Variants in CNTN5 observed in about 807,000 individuals in gnomAD.
The protein encoded by CNTN5 is contactin 5, also known as contactin-5.
Under a neutral mutation model 129.1 loss-of-function variants are expected in CNTN5, and 77 were observed. The ratio of observed to expected loss-of-function variants is 0.60; its 90% confidence interval spans 0.50 to 0.72. The LOEUF (loss-of-function observed/expected upper bound fraction) is 0.72, where lower values mean the gene tolerates loss of function less well. Among genes scored for constraint, CNTN5 ranks in the 30% least tolerant of loss-of-function variants. The pLI is 0.00. For synonymous variants in CNTN5, 509 were observed against 465.6 expected, an observed-to-expected ratio of 1.09 and a Z score of -1.20; for missense variants, 1,478 against 1,328.8, an observed-to-expected ratio of 1.11 and a Z score of -1.75.
In CNTN5 at chr11:99,938,511, A is replaced by G. The variant is rs574049390; in HGVS notation, c.674-18295A>G. Among the ~76,000 whole-genome samples the G allele has an allele frequency of 8.5e-5, 13 of 152,258 alleles. No homozygotes were observed. In the South Asian group the frequency reaches 2.7e-3, roughly 32 times the overall value. ...GGAATCATGGCACATAATGGGAAGT[A>G]CAAGAAGCCGGTAATAGTTCTGAAT... On this transcript the variant is annotated intron_variant, in intron 7 of 24. Coordinates refer to ENST00000524871, the MANE Select transcript of CNTN5 (RefSeq NM_014361.4).
chr11:99,471,077 A>G (rs1459472279), intron 2 of CNTN5, among the ~76,000 whole-genome samples: 2 of 152,088 alleles, frequency 1.3e-5, no homozygotes, highest in Non-Finnish European at 2.9e-5. Flanking sequence ...GAGAGCACCT[A>G]GTCCCATTTC....
At chr11:99,251,351 G>T (rs948181447) in intron 1 of CNTN5, among the ~76,000 whole-genome samples, 2 of 151,928 alleles carry the variant, frequency 1.3e-5, no homozygotes, top group African/African-American at 4.8e-5. Flanking sequence ...GTATACATGT[G>T]TGTGGAAAGT....
chr11:99,100,853 C>T (rs1232029231), intron 1 of CNTN5, among the ~76,000 whole-genome samples: 2 of 152,030 alleles, frequency 1.3e-5, no homozygotes, highest in African/African-American at 2.4e-5. Flanking sequence ...GATATAGAAA[C>T]ATAGAACTAT....
chr11:100,110,101 G>A (rs894833813), intron 13 of CNTN5, among the ~76,000 whole-genome samples: 1 of 151,622 alleles, frequency 6.6e-6, no homozygotes, highest in Non-Finnish European at 1.5e-5. Flanking sequence ...GTGGGAGGAT[G>A]GCTTGAGCCC....
chr11:100,323,920 C>G (rs1951743586), intron 21 of CNTN5, among the ~76,000 whole-genome samples: 1 of 152,064 alleles, frequency 6.6e-6, no homozygotes, highest in Admixed American at 6.6e-5. Context: ...TTCCCAGCAT[C>G]TCATACAGAC....
At chr11:99,814,585 C>A (rs1946524324) in intron 3 of CNTN5, among the ~76,000 whole-genome samples, 1 of 151,450 alleles carries the variant, frequency 6.6e-6, no homozygotes, top group African/African-American at 2.4e-5. Context: ...GGGAAAAAAA[C>A]AGTCCAGGGT....
chr11:99,917,390 A>G (rs1304692037), intron 7 of CNTN5, among the ~76,000 whole-genome samples: 13 of 152,100 alleles, frequency 8.5e-5, no homozygotes. Flanking sequence ...AATTTTTTTA[A>G]TGGATAAGAC....
At chr11:99,368,295 A>C (rs1939586992) in intron 2 of CNTN5, among the ~76,000 whole-genome samples, 1 of 152,080 alleles carries the variant, frequency 6.6e-6, no homozygotes, top group Non-Finnish European at 1.5e-5. Context: ...TCTCAGACAG[A>C]AGATAAAATA....
At chr11:99,478,206 A>G (rs1945456207) in intron 2 of CNTN5, among the ~76,000 whole-genome samples, 1 of 152,076 alleles carries the variant, frequency 6.6e-6, no homozygotes, top group Non-Finnish European at 1.5e-5. Context: ...CAAGACTGCA[A>G]TGAAGGTGTC....
intron 8 of CNTN5, among the ~76,000 whole-genome samples, chr11:99,984,302 A>G (rs1017850340): frequency 6.6e-6 from 1 of 151,856 alleles, no homozygotes; most frequent in African/African-American, 2.4e-5. Context: ...AAAGAATGGG[A>G]AAGAGAGAAA....
rs986793672 is a variant in CNTN5 at position 100,107,551 on chromosome 11, T to C, written c.1580+33257T>C. Among the ~76,000 whole-genome samples, 19 of 147,622 alleles carry C rather than the reference T, an allele frequency of 1.3e-4. 1 individual carries two copies. Among genetic ancestry groups the C allele is most frequent in the Non-Finnish European group, 2.8e-4 (19 of 67,388 alleles). On this transcript the variant is annotated intron_variant, in intron 13 of 24. Transcript: ENST00000524871. ...GGTTCCAAAATACAGCAGAATCAGA[T>C]AAATGTTTGGGAACCATACTGAAAA... is the stretch of plus-strand genomic sequence containing the variant.
At chr11:99,465,101 GT>G (rs1944880041) in intron 2 of CNTN5, among the ~76,000 whole-genome samples, 1 of 152,188 alleles carries the variant, frequency 6.6e-6, no homozygotes, top group South Asian at 2.1e-4. Flanking sequence ...AGTTAATAGT[GT>G]ATGTTAGGAA....
chr11:99,107,658 G>A lies in CNTN5; in HGVS notation c.-210+86388G>A, dbSNP rs182790572. On this transcript the variant is annotated intron_variant, in intron 1 of 24. Coordinates refer to ENST00000524871, the MANE Select transcript of CNTN5 (RefSeq NM_014361.4). ...GATCTTAAACTAGTGTCGGCTGGGC[G>A]CAGTGGCTCACACCTGTAATCTCAG... 2.3e-3 allele frequency among the ~76,000 whole-genome samples: 351 copies of A among 152,056 alleles called. 1 individual carries two copies. The highest frequency in any genetic ancestry group is 8.1e-3 in the African/African-American group (334 of 41,482).
At chr11:100,307,676 C>T (rs1231523931) in intron 20 of CNTN5, among the ~76,000 whole-genome samples, 1 of 151,436 alleles carries the variant, frequency 6.6e-6, no homozygotes, top group Non-Finnish European at 1.5e-5. Context: ...TAACATATTC[C>T]TTATATAATC....
At chr11:100,160,734 A>G (rs189830073) in intron 13 of CNTN5, among the ~76,000 whole-genome samples, 132 of 152,050 alleles carry the variant, frequency 8.7e-4, no homozygotes, top group Non-Finnish European at 1.4e-3. Flanking sequence ...AATAATGACA[A>G]CTAACATGCA....
chr11:100,039,316 T>C (rs1206777233), intron 9 of CNTN5, among the ~76,000 whole-genome samples: 1 of 152,354 alleles, frequency 6.6e-6, no homozygotes, highest in East Asian at 1.9e-4. Flanking sequence ...TTCTGGCTTG[T>C]AGAGTTTCTG....
chr11:99,445,012 T>C (rs535763070), intron 2 of CNTN5, among the ~76,000 whole-genome samples: 4 of 149,410 alleles, frequency 2.7e-5, no homozygotes, highest in Admixed American at 6.7e-5. Flanking sequence ...TATGGGATAA[T>C]ACTATATTTA....
chr11:99,311,439 G>A lies in CNTN5; in HGVS notation c.-209-13907G>A, dbSNP rs77940910. ...TTGTGTTGACCTTATCAAATGAGTT[G>A]AGGAGTGACAATTTAGGACAATTTC... On this transcript the variant is annotated intron_variant, in intron 1 of 24. Transcript: ENST00000524871. 8.3e-3 allele frequency among the ~76,000 whole-genome samples: 1,270 copies of A among 152,256 alleles called. 8 individuals are homozygous for A. The highest frequency in any genetic ancestry group is 0.013 in the Non-Finnish European group (851 of 68,012).
intron 8 of CNTN5, among the ~76,000 whole-genome samples, chr11:99,999,892 T>C (rs574758653): frequency 2.0e-5 from 3 of 151,808 alleles, no homozygotes; most frequent in Admixed American, 6.6e-5. Context: ...TCATTCTCAG[T>C]AAACTGTCGC....
Sources: gnomAD v4.1 joint callset for allele counts (sites outside exome capture counted in the v4.1 genomes callset) on GRCh38, gnomAD v4.1.1 for gene constraint, MANE v1.5 for transcripts, NCBI Gene and HGNC (gene_info 2026-07-23, HGNC 2026-07-21) for gene names.